E2F3: variants seen among roughly 807,000 people sequenced by gnomAD.
The protein encoded by E2F3 is transcription factor E2F3.
In E2F3, 11 loss-of-function variants were observed where a neutral mutation model predicts 44.4. The ratio of observed to expected loss-of-function variants is 0.25; its 90% CI spans 0.16 to 0.41. The LOEUF (loss-of-function observed/expected upper bound fraction) is 0.41, where lower values mean the gene tolerates loss of function less well. E2F3 is among the 10% of genes least tolerant of loss of function. The probability of loss-of-function intolerance (pLI) is 1.00; values close to 1 mark genes in which losing one functional copy is unlikely to be tolerated. For missense variants in E2F3, 487 were observed against 583.6 expected, an observed-to-expected ratio of 0.83 and a Z score of 1.70; for synonymous variants, 249 against 253.0, an observed-to-expected ratio of 0.98 and a Z score of 0.15.
intron 1 of E2F3, among the ~76,000 whole-genome samples, chr6:20,455,768 C>T (rs1479936728): frequency 6.6e-6 from 1 of 152,188 alleles, no homozygotes; most frequent in Non-Finnish European, 1.5e-5. Flanking sequence ...TGGTCATAAA[C>T]AGTGTGGTAA....
At chr6:20,453,131 G>C (rs1043627865) in intron 1 of E2F3, among the ~76,000 whole-genome samples, 6 of 152,110 alleles carry the variant, frequency 3.9e-5, no homozygotes, top group African/African-American at 1.4e-4. Context: ...TTAGCTCTAA[G>C]TCTGTGATAT....
chr6:20,465,632 A>G (rs535119738), intron 1 of E2F3, among the ~76,000 whole-genome samples: 2 of 152,242 alleles, frequency 1.3e-5, no homozygotes, highest in African/African-American at 4.8e-5. Flanking sequence ...CCCAAAGTCC[A>G]TTGTGTCATT....
At chr6:20,443,510 T>TG (rs929086001) in intron 1 of E2F3, among the ~76,000 whole-genome samples, 16 of 152,246 alleles carry the variant, frequency 1.1e-4, no homozygotes, top group African/African-American at 3.6e-4. Flanking sequence ...GAAGCTGAGG[T>TG]GGGCTGATTG....
intron 1 of E2F3, among the ~76,000 whole-genome samples, chr6:20,405,681 G>T (rs1336774082): frequency 1.3e-5 from 2 of 151,980 alleles, no homozygotes; most frequent in Non-Finnish European, 2.9e-5. Flanking sequence ...AAATTAGCTG[G>T]GTGTGGTGGT....
rs1761789916 is a variant in E2F3 at position 20,468,565 on chromosome 6, C to A, written c.394-11281C>A. Among the ~76,000 whole-genome samples, 3 of 152,162 alleles carry A rather than the reference C, an allele frequency of 2.0e-5. No homozygotes were observed. In the South Asian group the frequency reaches 6.2e-4, roughly 31 times the overall value. ...CTGTCCTCTTGGGTTTTTTGGGAAG[C>A]TTCATTATGTTGGCATGATTGATTA... On this transcript the variant is annotated intron_variant, in intron 1 of 6. Transcript: ENST00000346618.
Position 20,402,393 on chromosome 6 carries a change from C to A in E2F3, c.161C>A (p.Pro54Gln), listed in dbSNP as rs753567608. The change falls in exon 1 of 7, where the codon CCG becomes CAG. Residue 54 changes from proline to glutamine, a missense_variant. This residue lies in a region of E2F3 where 238 missense variants were observed against 236.0 expected (regional missense o/e 1.01). Transcript: ENST00000346618. This position sits in a 1 kb window ranked among gnomAD's most constrained non-coding sequence, Gnocchi z 5.6. ...FAAAAAAAAA[P>Q]GAYIQILTTN... ...GCCGCCGCCGCCGCTGCCGCCGCCC[C>A]GGGCGCGTACATCCAGATCCTCACC... is the stretch of plus-strand genomic sequence containing the variant. 2 of 1,610,724 alleles carry A rather than the reference C, an allele frequency of 1.2e-6. No individual in the cohort carries two copies. The highest frequency in any genetic ancestry group is 1.7e-6 in the Non-Finnish European group (2 of 1,178,916).
At chr6:20,476,358 G>A (rs573002348) in intron 1 of E2F3, among the ~76,000 whole-genome samples, 3 of 151,770 alleles carry the variant, frequency 2.0e-5, no homozygotes, top group Non-Finnish European at 4.4e-5. Flanking sequence ...GTGACAGAGC[G>A]AGACTCCGGG....
At chr6:20,415,138 A>G (rs1397743908) in intron 1 of E2F3, among the ~76,000 whole-genome samples, 1 of 152,218 alleles carries the variant, frequency 6.6e-6, no homozygotes, top group Non-Finnish European at 1.5e-5. Flanking sequence ...GCTTTTGTGC[A>G]GAATGCACTT....
intron 1 of E2F3, among the ~76,000 whole-genome samples, chr6:20,477,450 C>T (rs776432187): frequency 3.3e-5 from 5 of 152,066 alleles, no homozygotes; most frequent in African/African-American, 4.8e-5. Flanking sequence ...CCAAGCAGGA[C>T]TAGAGGTGAG....
intron 1 of E2F3, among the ~76,000 whole-genome samples, chr6:20,414,908 C>T (rs2127587161): frequency 6.6e-6 from 1 of 152,328 alleles, no homozygotes; most frequent in East Asian, 1.9e-4. Context: ...TTATAAATTA[C>T]ATCCATGAGC....
intron 1 of E2F3, among the ~76,000 whole-genome samples, chr6:20,448,327 T>C (rs978336885): frequency 6.6e-6 from 1 of 152,196 alleles, no homozygotes; most frequent in Non-Finnish European, 1.5e-5. Flanking sequence ...ATTCCTGGTA[T>C]CCAGTGTCCA....
chr6:20,462,390 T>G (rs1226941227), intron 1 of E2F3, among the ~76,000 whole-genome samples: 1 of 152,116 alleles, frequency 6.6e-6, no homozygotes, highest in Admixed American at 6.5e-5. Context: ...TGGAGCTGTG[T>G]CTCGGTTTTC....
chr6:20,411,524 C>A (rs188505948), intron 1 of E2F3, among the ~76,000 whole-genome samples: 1 of 152,164 alleles, frequency 6.6e-6, no homozygotes, highest in Admixed American at 6.5e-5. Context: ...CCCGGACTTA[C>A]CAAATTAATT....
chr6:20,488,023 G>GTTCT lies in E2F3; in HGVS notation c.1000-88_1000-85dup, dbSNP rs1762445536. ...AAAAAGCAAGTGAAAAACGAACATT[G>GTTCT]TTCTTACTTTCCATTTTTAGACAAG... On this transcript the variant is annotated intron_variant, in intron 5 of 6. Coordinates refer to ENST00000346618, the MANE Select transcript of E2F3 (RefSeq NM_001949.5). 3.2e-6 allele frequency: 5 copies of GTTCT among 1,561,548 alleles called. No homozygotes were observed. The Admixed American group carries it at 8.8e-5, about 28-fold the overall frequency.
rs1762610734 is a variant in E2F3, at chr6:20,493,567, A to AC, written c.*3138dup. 1 of 196,160 alleles carries AC rather than the reference A, an allele frequency of 5.1e-6. No individual in the cohort carries two copies. The highest frequency in any genetic ancestry group is 1.0e-5 in the Non-Finnish European group (1 of 97,064). The allele number at this position is 196,160 out of a possible 1,614,324, so 12.2% of individuals were successfully genotyped here. A position where few individuals can be genotyped will look rare whatever the true frequency, so the allele number is the denominator to read the frequency against. ...AATATGTAATATAATGTAAAAAAAAACAAAAAAAAGCTTTTATGATGGATT... is the reference window on the plus strand; with the variant it reads ...AATATGTAATATAATGTAAAAAAAAACCAAAAAAAAGCTTTTATGATGGATT... On this transcript the variant is annotated 3_prime_UTR_variant, in exon 7 of 7. Transcript: ENST00000346618.
intron 1 of E2F3, among the ~76,000 whole-genome samples, chr6:20,426,140 T>C (rs1760208203): frequency 6.6e-6 from 1 of 152,248 alleles, no homozygotes. Context: ...TACACCAGAA[T>C]ATAAATGATT....
intron 1 of E2F3, among the ~76,000 whole-genome samples, chr6:20,429,171 G>A (rs73382474): frequency 1.7e-4 from 26 of 152,260 alleles, no homozygotes; most frequent in African/African-American, 5.1e-4. Flanking sequence ...AACAAGTCTT[G>A]CTCTCAGATA....
chr6:20,421,466 A>G (rs1561852334), intron 1 of E2F3: 1 of 152,242 alleles, frequency 6.6e-6, no homozygotes. Flanking sequence ...GTTACCAGCC[A>G]TGAAAACATT....
At chr6:20,488,625 A>G (rs1378749993) in intron 6 of E2F3, among the ~76,000 whole-genome samples, 1 of 152,180 alleles carries the variant, frequency 6.6e-6, no homozygotes, top group Non-Finnish European at 1.5e-5. Context: ...TTTGAGGAGA[A>G]AAGCCTTTGT....
Sources: gnomAD v4.1 joint callset for allele counts (sites outside exome capture counted in the v4.1 genomes callset) on GRCh38, gnomAD v4.1.1 for gene constraint, gnomAD v4.1.1 regional missense constraint, Gnocchi (gnomAD v3.1) non-coding constraint, MANE v1.5 for transcripts, NCBI Gene and HGNC (gene_info 2026-07-23, HGNC 2026-07-21) for gene names.